The following C12orf56 variants were observed in gnomAD, a reference collection of about 807,000 sequenced individuals.
The protein encoded by C12orf56 is uncharacterized protein C12orf56.
Under a neutral mutation model 69.9 loss-of-function variants are expected in C12orf56, and 71 were observed. The observed-to-expected ratio is 1.02, with a 90% CI of 0.84 to 1.24. The LOEUF (loss-of-function observed/expected upper bound fraction) is 1.24. Ranked by LOEUF, C12orf56 falls within the 50% of genes most tolerant of loss-of-function variation. The probability of loss-of-function intolerance (pLI) is 0.00; values close to 1 mark genes in which losing one functional copy is unlikely to be tolerated. For synonymous variants in C12orf56, 276 were observed against 274.1 expected (o/e 1.01, Z -0.07); for missense variants, 732 against 738.5 (o/e 0.99, Z 0.10).
Position 64,270,860 on chromosome 12 carries a change from A to C in C12orf56, c.1585-146T>G. 7 of 683,854 alleles carry C rather than the reference A, an allele frequency of 1.0e-5. No homozygotes were observed. The South Asian group carries it at 1.3e-4, about 13-fold the overall frequency. The allele number at this position is 683,854 out of a possible 1,614,324, so 42.4% of individuals were successfully genotyped here. A position where few individuals can be genotyped will look rare whatever the true frequency, so the allele number is the denominator to read the frequency against. On this transcript the variant is annotated intron_variant, in intron 11 of 12. Transcript: ENST00000543942. The stretch of plus-strand genomic sequence containing the variant: ...AATGTTCCTTATTGAAATGGTATCC[A>C]ATGTCAAATAAAAAGTATAGGAGGA...
At chr12:64,327,355 G>A (rs931477134) in intron 3 of C12orf56, among the ~76,000 whole-genome samples, 1 of 152,188 alleles carries the variant, frequency 6.6e-6, no homozygotes, top group Non-Finnish European at 1.5e-5. Context: ...AGTGTGTTGA[G>A]AGCTGGAAGT....
intron 5 of C12orf56, among the ~76,000 whole-genome samples, chr12:64,310,842 A>T (rs751814444): frequency 1.3e-5 from 2 of 151,858 alleles, no homozygotes. Context: ...TACATTAGGT[A>T]TATTTCCTAA....
intron 2 of C12orf56, among the ~76,000 whole-genome samples, chr12:64,342,515 G>A (rs559713851): frequency 6.6e-6 from 1 of 152,204 alleles, no homozygotes; most frequent in Non-Finnish European, 1.5e-5. Flanking sequence ...GGGAGAGAAG[G>A]CAGGGTGGCA....
intron 5 of C12orf56, among the ~76,000 whole-genome samples, chr12:64,305,845 A>G (rs911594729): frequency 6.6e-6 from 1 of 152,206 alleles, no homozygotes; most frequent in Non-Finnish European, 1.5e-5. Context: ...AAATCCCTCT[A>G]TTCTCTGAGA....
intron 5 of C12orf56, among the ~76,000 whole-genome samples, chr12:64,307,298 C>G (rs959577392): frequency 6.6e-6 from 1 of 150,768 alleles, no homozygotes; most frequent in Non-Finnish European, 1.5e-5. Flanking sequence ...AAAATGAATA[C>G]TTTCTTACAA....
rs73327150 is a variant in C12orf56 at position 64,300,241 on chromosome 12, A to G, written c.1113+3394T>C. Among the ~76,000 whole-genome samples the G allele has an allele frequency of 1.5e-3, 234 of 152,306 alleles. 3 individuals are homozygous for G. Among genetic ancestry groups the G allele is most frequent in the African/African-American group, 5.2e-3 (218 of 41,564 alleles). ...GGAGAACAAGTATCCAAGTTATCCT[A>G]CATGGCTCGATCTTGTAGAGGACAG... On this transcript the variant is annotated intron_variant, in intron 6 of 12. Transcript: ENST00000543942.
intron 1 of C12orf56, among the ~76,000 whole-genome samples, chr12:64,361,134 G>A (rs562413254): frequency 6.6e-6 from 1 of 152,238 alleles, no homozygotes; most frequent in African/African-American, 2.4e-5. Context: ...CAGGAGAATC[G>A]CTTGAACCCG....
At chr12:64,364,003 CTT>C (rs1165199916) in intron 1 of C12orf56, among the ~76,000 whole-genome samples, 3 of 145,032 alleles carry the variant, frequency 2.1e-5, no homozygotes, top group Non-Finnish European at 1.5e-5. Context: ...TTTTTTCTTT[CTT>C]TTTTTTTTTT....
intron 1 of C12orf56, among the ~76,000 whole-genome samples, chr12:64,378,991 C>T (rs1340976619): frequency 6.6e-6 from 1 of 150,576 alleles, no homozygotes; most frequent in Admixed American, 6.6e-5. Flanking sequence ...GCAGAGGTTG[C>T]AGTAAGCCAA....
At chr12:64,313,274 A>AGAAAGAAAGAAAG (rs1555188665) in intron 4 of C12orf56, among the ~76,000 whole-genome samples, 3 of 81,426 alleles carry the variant, frequency 3.7e-5, no homozygotes, top group South Asian at 1.0e-3. Flanking sequence ...AAAAAAAAAA[A>AGAAAGAAAGAAAG]AAAGAAAGAA....
chr12:64,336,422 A>G (rs1406573110), intron 2 of C12orf56, among the ~76,000 whole-genome samples: 1 of 152,048 alleles, frequency 6.6e-6, no homozygotes, highest in Non-Finnish European at 1.5e-5. Context: ...TCAAACTTCG[A>G]TCTGTTTTAC....
Position 64,390,424 on chromosome 12 carries a change from G to A in C12orf56, c.142C>T (p.His48Tyr). Residue 48 changes from histidine (H) to tyrosine (Y), a missense_variant, in exon 1 of 13, where the codon CAC becomes TAC. By Grantham distance (83) the His-to-Tyr change is moderately conservative. Coordinates refer to ENST00000543942, the MANE Select transcript of C12orf56 (RefSeq NM_001170633.2). ...PCIVVSNSEN[H>Y]ILKYVVLSDR... ...CTTAGCACCACATACTTGAGGATGT[G>A]GTTCTCAGAGTTGGACACCACGATG... The A allele has an allele frequency of 6.2e-7, 1 of 1,612,794 alleles. No homozygotes were observed. The highest frequency in any genetic ancestry group is 2.2e-5 in the East Asian group (1 of 44,858).
intron 1 of C12orf56, among the ~76,000 whole-genome samples, chr12:64,382,734 A>G (rs2039735762): frequency 6.6e-6 from 1 of 151,994 alleles, no homozygotes; most frequent in African/African-American, 2.4e-5. Flanking sequence ...TTAGCTGGGC[A>G]TGGTGGCGGG....
At chr12:64,332,550 C>A (rs1285201988) in intron 2 of C12orf56, among the ~76,000 whole-genome samples, 1 of 152,150 alleles carries the variant, frequency 6.6e-6, no homozygotes, top group Admixed American at 6.6e-5. Flanking sequence ...TTTCTTCTGT[C>A]CTGATTTCTT....
At chr12:64,358,482 A>AATAATCATCATCATCATC (rs11275269) in intron 1 of C12orf56, among the ~76,000 whole-genome samples, 2,061 of 125,820 alleles carry the variant, frequency 0.016, 27 homozygotes, top group Middle Eastern at 0.031. Context: ...TAATAATAAT[A>AATAATCATCATCATCATC]ATCATCATCA....
At chr12:64,388,639 G>C (rs1442251958) in intron 1 of C12orf56, among the ~76,000 whole-genome samples, 1 of 152,146 alleles carries the variant, frequency 6.6e-6, no homozygotes, top group African/African-American at 2.4e-5. Context: ...TGGATCACTT[G>C]AGCCCAGGAG....
chr12:64,358,256 G>A (rs925071554), intron 1 of C12orf56, among the ~76,000 whole-genome samples: 1 of 151,962 alleles, frequency 6.6e-6, no homozygotes, highest in Non-Finnish European at 1.5e-5. Flanking sequence ...TCAGGAGTTC[G>A]AGACCAGCCT....
chr12:64,366,337 G>T (rs2039485317), intron 1 of C12orf56, among the ~76,000 whole-genome samples: 2 of 94,090 alleles, frequency 2.1e-5, no homozygotes, highest in African/African-American at 9.3e-5. Context: ...ATTATATACA[G>T]TTTATATATT....
chr12:64,361,814 C>T (rs1005057425), intron 1 of C12orf56, among the ~76,000 whole-genome samples: 3 of 151,898 alleles, frequency 2.0e-5, no homozygotes, highest in African/African-American at 4.8e-5. Flanking sequence ...CTCACCGCAA[C>T]CTCCTCCTCC....
Sources: gnomAD v4.1 joint callset for allele counts (sites outside exome capture counted in the v4.1 genomes callset) on GRCh38, gnomAD v4.1.1 for gene constraint, MANE v1.5 for transcripts, NCBI Gene and HGNC (gene_info 2026-07-23, HGNC 2026-07-21) for gene names.